Variants in TSEN2 observed in about 807,000 individuals in gnomAD.
TSEN2 encodes tRNA-splicing endonuclease subunit Sen2.
A neutral mutation model predicts 59.2 loss-of-function variants in TSEN2; 54 were observed. That is an observed-to-expected ratio of 0.91 (90% CI 0.73 to 1.14). TSEN2 has a LOEUF of 1.14. TSEN2 is among the 50% of genes most tolerant of loss of function. The pLI, the probability that TSEN2 is intolerant of heterozygous loss-of-function variation, is 0.00. For missense variants in TSEN2, 636 were observed against 576.2 expected (o/e 1.10, Z -1.06); for synonymous variants, 195 against 198.2 (o/e 0.98, Z 0.14).
At chr3:12,534,118 G>T (rs981795514), downstream of TSEN2, among the ~76,000 whole-genome samples, 2 of 152,098 alleles carry the variant, frequency 1.3e-5, no homozygotes, top group African/African-American at 4.8e-5. Flanking sequence ...GCCCTGTTTG[G>T]TGGTGGTGGT....
chr3:12,521,947 C>T (rs1385433994), intron 8 of TSEN2, among the ~76,000 whole-genome samples: 1 of 151,682 alleles, frequency 6.6e-6, no homozygotes, highest in Non-Finnish European at 1.5e-5. Flanking sequence ...GGAGGCGGAG[C>T]TTGCAGTGAG....
At chr3:12,531,178 C>A in intron 10 of TSEN2, 1 of 214,948 alleles carries the variant, frequency 4.7e-6, no homozygotes, top group Non-Finnish European at 9.3e-6. Flanking sequence ...CGAGGTCCCT[C>A]CATGACACGT....
chr3:12,505,457 C>G (rs149287330), intron 6 of TSEN2: 4 of 506,588 alleles, frequency 7.9e-6, no homozygotes, highest in African/African-American at 5.8e-5. Context: ...ACAGAAGATT[C>G]GAGGGGTTTT....
At chr3:12,528,283 T>A (rs988431187) in intron 8 of TSEN2, among the ~76,000 whole-genome samples, 23 of 152,300 alleles carry the variant, frequency 1.5e-4, no homozygotes, top group South Asian at 6.2e-4. Context: ...CTCTGGAGAG[T>A]GTAAGACAAG....
rs1016850128 is a variant in TSEN2, at chr3:12,516,733, A to T, written c.960+72A>T. Reference sequence around the variant, plus strand: ...TTAAAAGCAGGTTGTACTAATTTCTATATTGCATTAATACAAATGTTTCTA... The same window carrying T: ...TTAAAAGCAGGTTGTACTAATTTCTTTATTGCATTAATACAAATGTTTCTA... On this transcript the variant is annotated intron_variant, in intron 7 of 11. Transcript: ENST00000284995. 3.0e-6 allele frequency: 4 copies of T among 1,326,062 alleles called. No homozygotes were observed. In the East Asian group the frequency reaches 6.9e-5, roughly 23 times the overall value. The allele number at this position is 1,326,062 out of a possible 1,614,324, so 82.1% of individuals were successfully genotyped here.
At chr3:12,507,617 T>C in intron 6 of TSEN2, among the ~76,000 whole-genome samples, 1 of 152,218 alleles carries the variant, frequency 6.6e-6, no homozygotes, top group East Asian at 1.9e-4. Context: ...GGGTACCTAC[T>C]ATGTGCCAGG....
chr3:12,523,129 T>C (rs2056782366), intron 8 of TSEN2, among the ~76,000 whole-genome samples: 1 of 152,166 alleles, frequency 6.6e-6, no homozygotes, highest in East Asian at 1.9e-4. Context: ...CTTCCTACCA[T>C]ACCTAAGTCA....
downstream of TSEN2, among the ~76,000 whole-genome samples, chr3:12,537,758 C>T (rs1472218806): frequency 6.6e-6 from 1 of 152,166 alleles, no homozygotes; most frequent in Non-Finnish European, 1.5e-5. Flanking sequence ...TTTCCCTTTT[C>T]ATCTATAAAA....
chr3:12,529,035 T>A, intron 9 of TSEN2, 111 bp downstream of exon 9: 1 of 1,073,212 alleles, frequency 9.3e-7, no homozygotes, highest in Non-Finnish European at 1.4e-6. Flanking sequence ...CTTCCTGGCC[T>A]GATACGAATA....
At chr3:12,524,723 G>A (rs2056938592) in intron 8 of TSEN2, among the ~76,000 whole-genome samples, 1 of 148,926 alleles carries the variant, frequency 6.7e-6, no homozygotes, top group South Asian at 2.1e-4. Flanking sequence ...TAAACCTACT[G>A]CAATCTCTTT....
At chr3:12,525,726 T>A (rs576181046) in intron 8 of TSEN2, among the ~76,000 whole-genome samples, 4 of 151,968 alleles carry the variant, frequency 2.6e-5, no homozygotes, top group Admixed American at 6.6e-5. Flanking sequence ...CTAATTTTTT[T>A]TTATTATTTT....
intron 4 of TSEN2, among the ~76,000 whole-genome samples, chr3:12,496,792 A>G (rs1324853599): frequency 6.6e-6 from 1 of 152,222 alleles, no homozygotes; most frequent in Non-Finnish European, 1.5e-5. Context: ...TTTCCAAATT[A>G]TGAATAACTA....
At position 12,515,549 on chromosome 3, in the gene TSEN2, T is replaced by C. The variant is rs559101803; in HGVS notation, c.910-1062T>C. Among the ~76,000 whole-genome samples, 7 of 152,322 alleles carry C rather than the reference T, an allele frequency of 4.6e-5. No homozygotes were observed. The South Asian group carries it at 1.0e-3, about 23-fold the overall frequency. On this transcript the variant is annotated intron_variant, in intron 6 of 11. Coordinates refer to ENST00000284995, the MANE Select transcript of TSEN2 (RefSeq NM_025265.4). ...CACTACCTGCTCTGCACCAATCTCA[T>C]GGGAATCCCTTCAGTGGTATCTGTA...
rs186307870 is a variant in TSEN2, at chr3:12,532,506, A to C, written c.1339-156A>C. 4.6e-5 allele frequency among the ~76,000 whole-genome samples: 7 copies of C among 152,304 alleles called. No individual in the cohort carries two copies. The East Asian group carries it at 1.3e-3, about 29-fold the overall frequency. On this transcript the variant is annotated intron_variant, in intron 11 of 11. Coordinates refer to ENST00000284995, the MANE Select transcript of TSEN2 (RefSeq NM_025265.4). ...ATGCTTGTAAGGTTTATATTGTTAC[A>C]TTCATTTTCTCCAGATGTTTCTGTT...
At chr3:12,502,663 GGTTA>G (rs1423722455) in intron 4 of TSEN2, among the ~76,000 whole-genome samples, 17 of 148,366 alleles carry the variant, frequency 1.1e-4, no homozygotes, top group African/African-American at 3.3e-4. Flanking sequence ...TTAAACTGGG[GGTTA>G]GTTTTTTTTG....
intron 8 of TSEN2, among the ~76,000 whole-genome samples, chr3:12,524,739 CTTTTTT>C (rs746602626): frequency 7.6e-6 from 1 of 131,788 alleles, no homozygotes; most frequent in Non-Finnish European, 1.6e-5. Context: ...TCTTTGGTCT[CTTTTTT>C]TTTTTTTTTT....
intron 6 of TSEN2, among the ~76,000 whole-genome samples, chr3:12,509,415 C>T (rs964573941): frequency 6.6e-6 from 1 of 152,004 alleles, no homozygotes; most frequent in Non-Finnish European, 1.5e-5. Flanking sequence ...GGTCAGGCTA[C>T]TCTCTAACTC....
chr3:12,516,439 AAAATATATGTGTGTGTGTG>A (rs1559335459), intron 6 of TSEN2, among the ~76,000 whole-genome samples, 153 bp from the exon 7 acceptor site: 1 of 73,928 alleles, frequency 1.4e-5, no homozygotes, highest in Non-Finnish European at 2.6e-5. Context: ...ACAAACAAAC[AAAATATATGTGTGTGTGTG>A]TGTGTGTGTG....
chr3:12,513,092 T>TAA (rs1486154995), intron 6 of TSEN2, among the ~76,000 whole-genome samples: 1 of 152,244 alleles, frequency 6.6e-6, no homozygotes, highest in Non-Finnish European at 1.5e-5. Flanking sequence ...ATCCCCTCCA[T>TAA]CTGTAGTAAG....
Sources: allele counts gnomAD v4.1 joint callset (sites outside exome capture counted in the v4.1 genomes callset), GRCh38; gene constraint gnomAD v4.1.1; transcripts MANE v1.5; gene names NCBI Gene and HGNC (gene_info 2026-07-23, HGNC 2026-07-21).